CSMD1: variants seen among roughly 807,000 people sequenced by gnomAD.
CSMD1 encodes the protein CUB and sushi domain-containing protein 1.
In CSMD1, 213 loss-of-function variants were observed where a neutral mutation model predicts 417.5. The ratio of observed to expected loss-of-function variants is 0.51; its 90% confidence interval spans 0.46 to 0.57. CSMD1 has a LOEUF of 0.57. Among genes scored for constraint, CSMD1 ranks in the 20% least tolerant of loss-of-function variants. The pLI, the probability that CSMD1 is intolerant of heterozygous loss-of-function variation, is 0.00. For synonymous variants in CSMD1, 2,862 were observed against 1,736.8 expected, an observed-to-expected ratio of 1.65 and a Z score of -16.11; for missense variants, 6,923 against 4,529.7, an observed-to-expected ratio of 1.53 and a Z score of -15.17.
chr8:4,636,372 T>A (rs1273599690), intron 2 of CSMD1, among the ~76,000 whole-genome samples: 1 of 152,200 alleles, frequency 6.6e-6, no homozygotes, highest in African/African-American at 2.4e-5. Context: ...GTAAAAACTA[T>A]AGATCAAAAG....
chr8:4,042,184 G>A (rs1585191288), intron 3 of CSMD1, among the ~76,000 whole-genome samples: 4 of 152,126 alleles, frequency 2.6e-5, no homozygotes, highest in Non-Finnish European at 1.5e-5. Flanking sequence ...AAAAAGTTCA[G>A]TAAGTGTAAA....
chr8:4,192,402 C>T (rs1410460772), intron 3 of CSMD1, among the ~76,000 whole-genome samples: 1 of 152,074 alleles, frequency 6.6e-6, no homozygotes, highest in Non-Finnish European at 1.5e-5. Flanking sequence ...TAAGTTGTGC[C>T]TGGAACATCA....
Position 4,232,477 on chromosome 8 carries a change from G to A in CSMD1, c.415+187476C>T, listed in dbSNP as rs536066902. Among the ~76,000 whole-genome samples, 163 of 152,274 alleles carry A rather than the reference G, an allele frequency of 1.1e-3. 1 individual carries two copies. The highest frequency in any genetic ancestry group is 1.9e-3 in the Non-Finnish European group (129 of 68,018). ...GATTCCCAAAGTGCTGGGATTACAG[G>A]CATGAGCAACTGCGCCCAGCCACAC... is the stretch of plus-strand genomic sequence containing the variant. On this transcript the variant is annotated intron_variant, in intron 3 of 69. Transcript: ENST00000635120.
At chr8:3,676,789 A>C (rs2117575384) in intron 7 of CSMD1, among the ~76,000 whole-genome samples, 1 of 152,326 alleles carries the variant, frequency 6.6e-6, no homozygotes, top group Non-Finnish European at 1.5e-5. Context: ...TCAATGATAG[A>C]CTGGATAAAG....
Position 3,453,068 on chromosome 8 carries a change from T to A in CSMD1, c.1561+15644A>T, listed in dbSNP as rs180849449. Among the ~76,000 whole-genome samples, 1,437 of 152,330 alleles carry A rather than the reference T, an allele frequency of 9.4e-3. 15 individuals are homozygous for A. The highest frequency in any genetic ancestry group is 0.016 in the Non-Finnish European group (1,110 of 68,028). Reference sequence around the variant, plus strand: ...TGGGAGAGTGTATGTGTCGAGGAATTTATCCATTTCTTCTAGATTTTCTAG... The same window carrying A: ...TGGGAGAGTGTATGTGTCGAGGAATATATCCATTTCTTCTAGATTTTCTAG... On this transcript the variant is annotated intron_variant, in intron 12 of 69. Coordinates refer to ENST00000635120, the MANE Select transcript of CSMD1 (RefSeq NM_033225.6).
intron 11 of CSMD1, among the ~76,000 whole-genome samples, chr8:3,471,748 T>C: frequency 6.7e-6 from 1 of 148,718 alleles, no homozygotes; most frequent in African/African-American, 2.5e-5. Context: ...TTCCCTAAGA[T>C]AAGTGAATAT....
At chr8:3,952,545 C>T (rs1811661264) in intron 5 of CSMD1, among the ~76,000 whole-genome samples, 1 of 152,050 alleles carries the variant, frequency 6.6e-6, no homozygotes, top group African/African-American at 2.4e-5. Flanking sequence ...AATTTTTTAA[C>T]AGTATAAATT....
rs901605193 is a variant in CSMD1, at chr8:3,222,973, T to C, written c.4484+756A>G. On this transcript the variant is annotated intron_variant, in intron 28 of 69. Transcript: ENST00000635120. ...TCCATTGACAGATTAAAAAATGTAA[T>C]CCCAGATACTTGTCCTTGGATAGCT... Among the ~76,000 whole-genome samples the C allele has an allele frequency of 2.6e-5, 4 of 152,146 alleles. No individual in the cohort carries two copies. In the South Asian group the frequency reaches 8.3e-4, roughly 32 times the overall value.
At chr8:3,146,672 G>C (rs1818862946) in intron 40 of CSMD1, among the ~76,000 whole-genome samples, 1 of 152,154 alleles carries the variant, frequency 6.6e-6, no homozygotes, top group African/African-American at 2.4e-5. Flanking sequence ...GGCTGTGTGG[G>C]TCACTGTCCC....
chr8:3,635,332 G>C (rs1796981147), intron 7 of CSMD1, among the ~76,000 whole-genome samples: 1 of 152,034 alleles, frequency 6.6e-6, no homozygotes, highest in African/African-American at 2.4e-5. Context: ...AAATTAGCCA[G>C]GCAAAGTGGT....
At chr8:4,235,789 T>A (rs564313225) in intron 3 of CSMD1, among the ~76,000 whole-genome samples, 1 of 152,356 alleles carries the variant, frequency 6.6e-6, no homozygotes, top group African/African-American at 2.4e-5. Flanking sequence ...TTTTCTTTTT[T>A]TCTTTGAAAC....
intron 2 of CSMD1, among the ~76,000 whole-genome samples, chr8:4,436,411 A>C (rs1390258232): frequency 6.6e-6 from 1 of 152,120 alleles, no homozygotes; most frequent in African/African-American, 2.4e-5. Context: ...TTTTGTGTGT[A>C]CAGAGTAGAT....
chr8:3,822,646 T>C (rs1364071063), intron 5 of CSMD1, among the ~76,000 whole-genome samples: 1 of 152,182 alleles, frequency 6.6e-6, no homozygotes, highest in Non-Finnish European at 1.5e-5. Context: ...TTTATTACAT[T>C]CCGTCTTCAT....
At chr8:4,702,371 A>G (rs1433362975) in intron 1 of CSMD1, among the ~76,000 whole-genome samples, 2 of 152,244 alleles carry the variant, frequency 1.3e-5, no homozygotes, top group Non-Finnish European at 2.9e-5. Flanking sequence ...TCTCCGAAGT[A>G]GCAATTCCAA....
At chr8:3,176,128 G>C (rs190551183) in intron 37 of CSMD1, among the ~76,000 whole-genome samples, 1 of 152,090 alleles carries the variant, frequency 6.6e-6, no homozygotes, top group African/African-American at 2.4e-5. Flanking sequence ...AAGCTGAATC[G>C]TAATAATAGT....
At chr8:4,082,976 G>A (rs868004199) in intron 3 of CSMD1, among the ~76,000 whole-genome samples, 5 of 151,744 alleles carry the variant, frequency 3.3e-5, no homozygotes, top group South Asian at 2.1e-4. Context: ...AGGACTCCAT[G>A]GTGTATATGT....
chr8:3,314,021 C>T (rs550018551), intron 23 of CSMD1, among the ~76,000 whole-genome samples: 8 of 151,072 alleles, frequency 5.3e-5, no homozygotes, highest in Non-Finnish European at 1.2e-4. Flanking sequence ...ATCACAAGGA[C>T]AAAAAACCAA....
chr8:4,523,712 G>T (rs1803616232), intron 2 of CSMD1, among the ~76,000 whole-genome samples: 1 of 152,110 alleles, frequency 6.6e-6, no homozygotes, highest in African/African-American at 2.4e-5. Flanking sequence ...GACACCTCCT[G>T]TTCACACCTC....
At chr8:3,600,096 G>C (rs1478819098) in intron 8 of CSMD1, among the ~76,000 whole-genome samples, 4 of 152,188 alleles carry the variant, frequency 2.6e-5, no homozygotes, top group Non-Finnish European at 4.4e-5. Flanking sequence ...GAAAAGTCTA[G>C]CAGGTAAAGA....
Sources: allele counts gnomAD v4.1 joint callset (sites outside exome capture counted in the v4.1 genomes callset), GRCh38; gene constraint gnomAD v4.1.1; transcripts MANE v1.5; gene names NCBI Gene and HGNC (gene_info 2026-07-23, HGNC 2026-07-21).